Variants in DAPK1 observed in about 807,000 individuals in gnomAD.
DAPK1 encodes death associated protein kinase 1, also known as death-associated protein kinase 1.
DAPK1 carries 56 observed loss-of-function variants against 144.9 expected under a neutral mutation model. That is an observed-to-expected ratio of 0.39 (90% CI 0.31 to 0.48). The LOEUF (loss-of-function observed/expected upper bound fraction) is 0.48. Among genes scored for constraint, DAPK1 ranks in the 20% least tolerant of loss-of-function variants. The pLI is 0.95. For synonymous variants in DAPK1, 690 were observed against 749.0 expected, an observed-to-expected ratio of 0.92 and a Z score of 1.29; for missense variants, 1,454 against 1,875.4, an observed-to-expected ratio of 0.78 and a Z score of 4.15.
chr9:87,631,317 A>G (rs1829684177), intron 3 of DAPK1, among the ~76,000 whole-genome samples: 1 of 152,150 alleles, frequency 6.6e-6, no homozygotes, highest in African/African-American at 2.4e-5. Context: ...TAATTTAGAA[A>G]ATGGAATCTT....
chr9:87,580,627 A>G (rs36204768), intron 2 of DAPK1, among the ~76,000 whole-genome samples: 17,398 of 152,186 alleles, frequency 0.11, 1,280 homozygotes, highest in Admixed American at 0.16. Context: ...CTTATTGTAT[A>G]CAAGATTATA....
chr9:87,596,480 T>A (rs1401203167), intron 2 of DAPK1, among the ~76,000 whole-genome samples: 1 of 152,184 alleles, frequency 6.6e-6, no homozygotes, highest in Non-Finnish European at 1.5e-5. Flanking sequence ...TTGTTGTTTG[T>A]GTTGAGGTCC....
chr9:87,568,017 A>G (rs1827193700), intron 2 of DAPK1, among the ~76,000 whole-genome samples: 1 of 152,268 alleles, frequency 6.6e-6, no homozygotes, highest in Non-Finnish European at 1.5e-5. Flanking sequence ...TCATGGCTAA[A>G]TGAGTAGAAG....
intron 2 of DAPK1, among the ~76,000 whole-genome samples, chr9:87,602,039 C>G (rs1037029354): frequency 5.3e-5 from 8 of 152,076 alleles, no homozygotes; most frequent in African/African-American, 1.7e-4. Flanking sequence ...GTGGGAAAGG[C>G]AAGAATGGGC....
chr9:87,604,596 CAG>C (rs1239696856), intron 2 of DAPK1, among the ~76,000 whole-genome samples: 1 of 152,014 alleles, frequency 6.6e-6, no homozygotes, highest in East Asian at 1.9e-4. Context: ...TTTTCAGGCT[CAG>C]AGACTAGACG....
At chr9:87,642,298 T>C (rs1471478867) in intron 10 of DAPK1, among the ~76,000 whole-genome samples, 1 of 152,264 alleles carries the variant, frequency 6.6e-6, no homozygotes, top group African/African-American at 2.4e-5. Flanking sequence ...AAAACTATTC[T>C]CAGTGCAAAT....
intron 20 of DAPK1, among the ~76,000 whole-genome samples, chr9:87,683,935 G>A (rs1316944571): frequency 1.3e-5 from 2 of 152,178 alleles, no homozygotes; most frequent in African/African-American, 4.8e-5. Context: ...CCTGGTGGAG[G>A]AAGTGTGCGC....
chr9:87,498,508 T>TTAG (rs1412961419), intron 1 of DAPK1: 2 of 236,974 alleles, frequency 8.4e-6, no homozygotes, highest in Non-Finnish European at 1.6e-5. Flanking sequence ...GGCCACGGTG[T>TTAG]TAGGAGAGGC....
intron 2 of DAPK1, among the ~76,000 whole-genome samples, chr9:87,508,193 G>A (rs1376992746): frequency 6.6e-6 from 1 of 151,262 alleles, no homozygotes; most frequent in Non-Finnish European, 1.5e-5. Context: ...TGTGTTTTTA[G>A]TAGAGACGGG....
At chr9:87,672,281 C>CT (rs1259737620) in intron 19 of DAPK1, among the ~76,000 whole-genome samples, 3 of 152,152 alleles carry the variant, frequency 2.0e-5, no homozygotes, top group Non-Finnish European at 4.4e-5. Context: ...GTGGTGGGCA[C>CT]TGTGATTTTA....
chr9:87,628,005 A>G (rs1417529170), intron 3 of DAPK1, among the ~76,000 whole-genome samples: 1 of 152,182 alleles, frequency 6.6e-6, no homozygotes, highest in Non-Finnish European at 1.5e-5. Context: ...CTCTCTGAGG[A>G]CACAGAGCCC....
At chr9:87,585,991 AGAATTT>A (rs1444871499) in intron 2 of DAPK1, among the ~76,000 whole-genome samples, 2 of 152,224 alleles carry the variant, frequency 1.3e-5, no homozygotes, top group African/African-American at 4.8e-5. Flanking sequence ...TGACTGCTAG[AGAATTT>A]CAAATTATAC....
At chr9:87,534,403 A>G (rs539270718) in intron 2 of DAPK1, among the ~76,000 whole-genome samples, 2 of 152,200 alleles carry the variant, frequency 1.3e-5, no homozygotes, top group South Asian at 4.1e-4. Flanking sequence ...GGCCCTACAT[A>G]CAATGCTGAT....
chr9:87,604,430 C>T (rs1275472733), intron 2 of DAPK1, among the ~76,000 whole-genome samples: 3 of 152,170 alleles, frequency 2.0e-5, no homozygotes, highest in Non-Finnish European at 2.9e-5. Context: ...ATATTTGGTA[C>T]ATATGACTTA....
chr9:87,602,066 C>A (rs1828541361), intron 2 of DAPK1, among the ~76,000 whole-genome samples: 1 of 152,034 alleles, frequency 6.6e-6, no homozygotes. Flanking sequence ...CAGCAGGTGC[C>A]CCTGAGGGGT....
chr9:87,668,528 A>G, intron 18 of DAPK1, 69 bp from the exon 19 acceptor site: 1 of 878,940 alleles, frequency 1.1e-6, no homozygotes, highest in Non-Finnish European at 2.0e-6. Flanking sequence ...AGACCCACGG[A>G]ATTGGCGTAT....
intron 2 of DAPK1, among the ~76,000 whole-genome samples, chr9:87,507,370 G>A (rs199518883): frequency 1.6e-4 from 24 of 152,186 alleles, no homozygotes; most frequent in African/African-American, 5.5e-4. Flanking sequence ...GCACCACCAC[G>A]CCTGGCTAAT....
Position 87,658,098 on chromosome 9 carries a change from A to G in DAPK1, c.1894A>G (p.Met632Val). The change falls in exon 18 of 26, where the codon ATG (methionine) becomes GTG (valine). Residue 632 changes from methionine (M) to valine (V), a missense_variant. Around this residue, in one of 2 missense-constraint regions of DAPK1, gnomAD observed 1,025 missense variants for 1,237.9 expected, o/e 0.83. Coordinates refer to ENST00000408954, the MANE Select transcript of DAPK1 (RefSeq NM_004938.4). ...AGACGTGGTCCGGTATCTCTGTCTG[A>G]TGGGAGCCAGCGTTGAGGCGCTGAC... Reference protein sequence around the residue: ...ILDVVRYLCLMGASVEALTTD... With the variant: ...ILDVVRYLCLVGASVEALTTD... 2.0e-6 allele frequency: 3 copies of G among 1,522,824 alleles called. No individual in the cohort carries two copies. Among genetic ancestry groups the G allele is most frequent in the Non-Finnish European group, 2.7e-6 (3 of 1,097,834 alleles). The allele number at this position is 1,522,824 out of a possible 1,614,324, so 94.3% of individuals were successfully genotyped here.
intron 19 of DAPK1, among the ~76,000 whole-genome samples, chr9:87,679,871 C>G (rs2119327385): frequency 6.6e-6 from 1 of 152,188 alleles, no homozygotes; most frequent in East Asian, 1.9e-4. Context: ...TCCTCTTGTC[C>G]CATTACTGCC....
Sources: gnomAD v4.1 joint callset for allele counts (sites outside exome capture counted in the v4.1 genomes callset) on GRCh38, gnomAD v4.1.1 for gene constraint, gnomAD v4.1.1 regional missense constraint, MANE v1.5 for transcripts, NCBI Gene and HGNC (gene_info 2026-07-23, HGNC 2026-07-21) for gene names.